GAS7: variants seen among roughly 807,000 people sequenced by gnomAD.
GAS7 encodes the protein growth arrest specific 7, also known as growth arrest-specific protein 7.
In GAS7, 28 loss-of-function variants were observed where a neutral mutation model predicts 71.1. The observed-to-expected ratio is 0.39, with a 90% CI of 0.29 to 0.54. The LOEUF is 0.54. Among genes scored for constraint, GAS7 ranks in the 20% least tolerant of loss-of-function variants. GAS7 has a pLI of 0.62. For missense variants in GAS7, 436 were observed against 627.8 expected (o/e 0.69, Z 3.27); for synonymous variants, 258 against 245.8 (o/e 1.05, Z -0.46).
Position 9,915,653 on chromosome 17 carries a change from T to A in GAS7, c.*1575A>T, listed in dbSNP as rs1047365. 105,603 of 228,576 alleles carry A rather than the reference T, an allele frequency of 0.46. 24,755 individuals carry two copies. The highest frequency in any genetic ancestry group is 0.5 in the African/African-American group (22,355 of 45,160). 14.2% of individuals were successfully genotyped at this position (228,576 alleles called of 1,614,324 possible). ...AAATTAGAGATTAATAAGTCATCGGTTTCTAGCACGTTGACTGAAAGACCA... is the reference window on the plus strand; with the variant it reads ...AAATTAGAGATTAATAAGTCATCGGATTCTAGCACGTTGACTGAAAGACCA... On this transcript the variant is annotated 3_prime_UTR_variant, in exon 14 of 14. Coordinates refer to ENST00000432992, the MANE Select transcript of GAS7 (RefSeq NM_201433.2).
At chr17:9,971,891 G>A (rs1422515422) in intron 3 of GAS7, among the ~76,000 whole-genome samples, 2 of 152,154 alleles carry the variant, frequency 1.3e-5, no homozygotes, top group African/African-American at 4.8e-5. Context: ...TGGGCAATGG[G>A]ATGATGAAGC....
At chr17:10,020,230 G>A (rs1344820291) in intron 1 of GAS7, 7 of 236,846 alleles carry the variant, frequency 3.0e-5, no homozygotes, top group African/African-American at 1.5e-4. Flanking sequence ...AGGGGGCCCT[G>A]TCACTCCACC....
intron 4 of GAS7, among the ~76,000 whole-genome samples, chr17:9,966,825 C>T (rs902575869): frequency 3.3e-5 from 5 of 152,168 alleles, no homozygotes; most frequent in African/African-American, 9.7e-5. Context: ...CGATCACCTC[C>T]ATGAACAGCC....
chr17:10,068,793 A>C (rs1306460437), intron 1 of GAS7, among the ~76,000 whole-genome samples: 1 of 151,886 alleles, frequency 6.6e-6, no homozygotes, highest in Admixed American at 6.6e-5. Context: ...TTATTACAGC[A>C]AAAAAATACA....
Position 9,946,789 on chromosome 17 carries a change from GA to G in GAS7, c.615+104del. 8.8e-6 allele frequency: 6 copies of G among 679,058 alleles called. No individual in the cohort carries two copies. The South Asian group carries it at 1.1e-4, about 12-fold the overall frequency. 42.1% of individuals were successfully genotyped at this position (679,058 alleles called of 1,614,324 possible). ...TAACACCAGCCCTTCACGCTCCAAC[GA>G]GAAAGGCCCCTCCACTTTGAGATCC... On this transcript the variant is annotated intron_variant, in intron 6 of 13. Coordinates refer to ENST00000432992, the MANE Select transcript of GAS7 (RefSeq NM_201433.2).
rs1411693331 is a variant in GAS7 at position 9,917,144 on chromosome 17, G to A, written c.*84C>T. ...TCCTCAGTGGCCCAGGAGAGAGGGTGGGGGGCATCCACTCGGCATGGGCCC... is the reference window on the plus strand; with the variant it reads ...TCCTCAGTGGCCCAGGAGAGAGGGTAGGGGGCATCCACTCGGCATGGGCCC... On this transcript the variant is annotated 3_prime_UTR_variant, in exon 14 of 14. Transcript: ENST00000432992. The A allele has an allele frequency of 1.0e-5, 9 of 860,634 alleles. No individual in the cohort carries two copies. The highest frequency in any genetic ancestry group is 1.7e-5 in the Admixed American group (1 of 57,934). 53.3% of individuals were successfully genotyped at this position (860,634 alleles called of 1,614,324 possible).
At chr17:10,067,155 G>T (rs1358461075) in intron 1 of GAS7, among the ~76,000 whole-genome samples, 3 of 152,102 alleles carry the variant, frequency 2.0e-5, no homozygotes, top group African/African-American at 4.8e-5. Context: ...GGGATGGGGT[G>T]GCGGGAGTGG....
rs550437632 is a variant in GAS7 at position 9,918,110 on chromosome 17, A to C, written c.1219-11T>G. The C allele has an allele frequency of 6.9e-6, 11 of 1,604,338 alleles. No individual in the cohort carries two copies. The African/African-American group carries it at 1.2e-4, about 18-fold the overall frequency. On this transcript the variant is annotated splice_polypyrimidine_tract_variant and intron_variant, in intron 12 of 13. Transcript: ENST00000432992. The stretch of plus-strand genomic sequence containing the variant: ...CAGCCGCTCTAGCTCCTGCCGAGAA[A>C]GCAAAGGCCAGAGAACTCTGAGCAC...
chr17:10,128,669 G>A (rs1455650829), intron 1 of GAS7, among the ~76,000 whole-genome samples: 1 of 150,850 alleles, frequency 6.6e-6, no homozygotes, highest in South Asian at 2.1e-4. Flanking sequence ...ACCCACGCTG[G>A]AGTGCAGCGG....
chr17:10,032,129 A>C (rs1040070695), intron 1 of GAS7, among the ~76,000 whole-genome samples: 1 of 151,782 alleles, frequency 6.6e-6, no homozygotes, highest in Non-Finnish European at 1.5e-5. Flanking sequence ...AAAAAAAAAA[A>C]ACCCTACATT....
At chr17:10,147,878 G>A (rs1352838730) in intron 1 of GAS7, among the ~76,000 whole-genome samples, 1 of 152,134 alleles carries the variant, frequency 6.6e-6, no homozygotes, top group East Asian at 1.9e-4. Flanking sequence ...AAAGAGTACA[G>A]AACTCCAAGT....
At chr17:10,097,101 C>T (rs973402504) in intron 1 of GAS7, among the ~76,000 whole-genome samples, 1 of 152,234 alleles carries the variant, frequency 6.6e-6, no homozygotes, top group African/African-American at 2.4e-5. Context: ...CGATCTCTGG[C>T]GCTGGGCTGC....
At chr17:10,094,814 G>A (rs1351459013) in intron 1 of GAS7, among the ~76,000 whole-genome samples, 6 of 152,146 alleles carry the variant, frequency 3.9e-5, no homozygotes, top group Non-Finnish European at 7.4e-5. Context: ...TGCCTCACGA[G>A]GGGATTAACA....
At chr17:10,132,090 G>A (rs148061140) in intron 1 of GAS7, among the ~76,000 whole-genome samples, 146 of 152,292 alleles carry the variant, frequency 9.6e-4, no homozygotes, top group African/African-American at 3.3e-3. Context: ...ACTCGTGAAG[G>A]TATGAAAATG....
At chr17:10,108,000 G>C (rs2073776105) in intron 1 of GAS7, among the ~76,000 whole-genome samples, 1 of 152,060 alleles carries the variant, frequency 6.6e-6, no homozygotes, top group Non-Finnish European at 1.5e-5. Context: ...GTGGGGGACT[G>C]GGCAAGAGAA....
At chr17:10,138,715 C>A (rs1016498481) in intron 1 of GAS7, among the ~76,000 whole-genome samples, 2 of 151,870 alleles carry the variant, frequency 1.3e-5, no homozygotes, top group Admixed American at 6.6e-5. Flanking sequence ...TGCAGTAAGC[C>A]GAGATCGTGC....
chr17:10,087,733 A>G (rs2073535177), intron 1 of GAS7, among the ~76,000 whole-genome samples: 1 of 152,322 alleles, frequency 6.6e-6, no homozygotes, highest in South Asian at 2.1e-4. Context: ...CATAGAGAAA[A>G]GGAAGCAGTG....
chr17:10,158,288 C>T (rs2074220339), intron 1 of GAS7, among the ~76,000 whole-genome samples: 1 of 145,540 alleles, frequency 6.9e-6, no homozygotes, highest in South Asian at 2.2e-4. Flanking sequence ...GCTGGGATTA[C>T]AGGCGTGAGC....
chr17:10,137,024 G>A (rs1223300977), intron 1 of GAS7, among the ~76,000 whole-genome samples: 2 of 152,140 alleles, frequency 1.3e-5, no homozygotes, highest in African/African-American at 2.4e-5. Flanking sequence ...TGAGGTGGGA[G>A]AATCACTTGA....
Sources: gnomAD v4.1 joint callset for allele counts (sites outside exome capture counted in the v4.1 genomes callset) on GRCh38, gnomAD v4.1.1 for gene constraint, MANE v1.5 for transcripts, NCBI Gene and HGNC (gene_info 2026-07-23, HGNC 2026-07-21) for gene names.